Variants in GRM7 observed in about 807,000 individuals in gnomAD.
GRM7 encodes the protein glutamate metabotropic receptor 7, also known as metabotropic glutamate receptor 7.
A neutral mutation model predicts 84.5 loss-of-function variants in GRM7; 35 were observed. The ratio of observed to expected loss-of-function variants is 0.41; its 90% confidence interval spans 0.32 to 0.55. The LOEUF (loss-of-function observed/expected upper bound fraction) is 0.55. GRM7 is among the 20% of genes least tolerant of loss of function. The pLI is 0.19. For missense variants in GRM7, 1,003 were observed against 1,194.6 expected, an observed-to-expected ratio of 0.84 and a Z score of 2.36; for synonymous variants, 487 against 455.1, an observed-to-expected ratio of 1.07 and a Z score of -0.89.
At chr3:7,360,989 C>T (rs1693636632) in intron 4 of GRM7, among the ~76,000 whole-genome samples, 1 of 152,054 alleles carries the variant, frequency 6.6e-6, no homozygotes, top group South Asian at 2.1e-4. Context: ...TCTGCCTAAT[C>T]TGTGGCTCTT....
intron 7 of GRM7, among the ~76,000 whole-genome samples, chr3:7,538,314 G>A (rs913300126): frequency 1.3e-5 from 2 of 152,124 alleles, no homozygotes; most frequent in African/African-American, 4.8e-5. Context: ...GTTTCACCAT[G>A]TTGGCCAGCC....
intron 5 of GRM7, among the ~76,000 whole-genome samples, chr3:7,446,469 T>G (rs1417224979): frequency 3.3e-5 from 5 of 149,508 alleles, no homozygotes; most frequent in African/African-American, 4.9e-5. Flanking sequence ...TTTTTGTTTT[T>G]TTTTTTTTTG....
intron 3 of GRM7, among the ~76,000 whole-genome samples, chr3:7,302,528 C>T (rs1388529740): frequency 1.3e-5 from 2 of 152,064 alleles, no homozygotes; most frequent in Non-Finnish European, 2.9e-5. Flanking sequence ...TCAGCACCTC[C>T]CCAAACATGT....
At chr3:7,465,695 A>G (rs983801685) in intron 7 of GRM7, among the ~76,000 whole-genome samples, 1 of 152,100 alleles carries the variant, frequency 6.6e-6, no homozygotes, top group Admixed American at 6.5e-5. Flanking sequence ...ACAAAGATTC[A>G]TGGGTACTTT....
At chr3:7,670,840 A>C (rs1204651541) in intron 8 of GRM7, among the ~76,000 whole-genome samples, 1 of 152,226 alleles carries the variant, frequency 6.6e-6, no homozygotes, top group Non-Finnish European at 1.5e-5. Context: ...AATCTGACAT[A>C]GCTTCCTACA....
At chr3:7,149,298 G>A (rs1029656659) in intron 2 of GRM7, among the ~76,000 whole-genome samples, 1 of 152,114 alleles carries the variant, frequency 6.6e-6, no homozygotes, top group Non-Finnish European at 1.5e-5. Flanking sequence ...ATTTCTGTGG[G>A]CCTCTCATAA....
At chr3:7,351,100 T>G (rs1466599126) in intron 4 of GRM7, among the ~76,000 whole-genome samples, 1 of 152,100 alleles carries the variant, frequency 6.6e-6, no homozygotes, top group Non-Finnish European at 1.5e-5. Context: ...CAGGTCTCAC[T>G]CTGAAGCCAA....
At chr3:7,017,228 G>C (rs929012281) in intron 1 of GRM7, among the ~76,000 whole-genome samples, 1 of 152,138 alleles carries the variant, frequency 6.6e-6, no homozygotes, top group Non-Finnish European at 1.5e-5. Flanking sequence ...GGTTGTTGGT[G>C]TTTCCACACC....
chr3:7,434,305 T>C (rs1696953256), intron 5 of GRM7, among the ~76,000 whole-genome samples: 1 of 152,240 alleles, frequency 6.6e-6, no homozygotes, highest in Non-Finnish European at 1.5e-5. Context: ...TTTATTGCAC[T>C]GATGAGGACT....
chr3:7,381,600 G>C (rs571677961), intron 4 of GRM7, among the ~76,000 whole-genome samples: 1 of 152,110 alleles, frequency 6.6e-6, no homozygotes. Flanking sequence ...CCGCCTGACC[G>C]TATTGAAGTA....
At chr3:7,057,291 T>C (rs1044791593) in intron 1 of GRM7, among the ~76,000 whole-genome samples, 9 of 151,968 alleles carry the variant, frequency 5.9e-5, no homozygotes, top group Admixed American at 5.3e-4. Context: ...ACCTCTGATA[T>C]CTGTTTACCC....
At chr3:6,964,531 TCA>T (rs1466904026) in intron 1 of GRM7, among the ~76,000 whole-genome samples, 4 of 152,208 alleles carry the variant, frequency 2.6e-5, no homozygotes, top group African/African-American at 9.7e-5. Context: ...CCTTCTTTGC[TCA>T]CTCTACTTCT....
At chr3:7,633,482 C>T (rs3792450) in intron 8 of GRM7, among the ~76,000 whole-genome samples, 1,939 of 152,082 alleles carry the variant, frequency 0.013, 40 homozygotes, top group East Asian at 0.074. Context: ...AGGAGCGAGA[C>T]GAACAAACTG....
At chr3:7,040,888 C>T (rs535033198) in intron 1 of GRM7, among the ~76,000 whole-genome samples, 2 of 151,736 alleles carry the variant, frequency 1.3e-5, no homozygotes, top group East Asian at 4.0e-4. Flanking sequence ...TTCAAGACCA[C>T]CCTGGGCAAA....
At chr3:7,094,069 A>G (rs1698769563) in intron 1 of GRM7, among the ~76,000 whole-genome samples, 1 of 152,174 alleles carries the variant, frequency 6.6e-6, no homozygotes, top group African/African-American at 2.4e-5. Context: ...TCTAGTGGGC[A>G]CCATTCTAGG....
intron 7 of GRM7, among the ~76,000 whole-genome samples, chr3:7,464,794 C>T (rs980484921): frequency 5.3e-5 from 8 of 150,552 alleles, no homozygotes; most frequent in Middle Eastern, 3.4e-3. Flanking sequence ...TGCCACTGCA[C>T]TCCAGCCTGG....
At chr3:7,552,848 C>T (rs1402297401) in intron 7 of GRM7, among the ~76,000 whole-genome samples, 3 of 152,208 alleles carry the variant, frequency 2.0e-5, no homozygotes, top group Non-Finnish European at 2.9e-5. Flanking sequence ...GCCCTGGAAA[C>T]ATTTTCCACA....
At chr3:6,894,197 T>G (rs527723627) in intron 1 of GRM7, among the ~76,000 whole-genome samples, 1 of 152,148 alleles carries the variant, frequency 6.6e-6, no homozygotes, top group Non-Finnish European at 1.5e-5. Flanking sequence ...TCTCTGCTTT[T>G]CCCCCTTGTT....
At position 7,293,103 on chromosome 3, in the gene GRM7, A is replaced by G. The variant is rs546195082; in HGVS notation, c.737-5581A>G. Among the ~76,000 whole-genome samples, 230 of 152,108 alleles carry G rather than the reference A, an allele frequency of 1.5e-3. 1 individual carries two copies. The highest frequency in any genetic ancestry group is 5.3e-3 in the African/African-American group (220 of 41,504). On this transcript the variant is annotated intron_variant, in intron 2 of 9. Transcript: ENST00000357716. The stretch of plus-strand genomic sequence containing the variant: ...TAAATATTTGCTAAATAAAATTGGC[A>G]TATCTAAATAATAGAATCATCAATA...
Sources: allele counts gnomAD v4.1 joint callset (sites outside exome capture counted in the v4.1 genomes callset), GRCh38; gene constraint gnomAD v4.1.1; transcripts MANE v1.5; gene names NCBI Gene and HGNC (gene_info 2026-07-23, HGNC 2026-07-21).